The following DGKQ variants were observed in gnomAD, a reference collection of about 807,000 sequenced individuals.
DGKQ encodes the protein diacylglycerol kinase theta.
Under a neutral mutation model 104.2 loss-of-function variants are expected in DGKQ, and 97 were observed. The ratio of observed to expected loss-of-function variants is 0.93; its 90% confidence interval spans 0.79 to 1.10. The LOEUF is 1.10. DGKQ is among the 50% of genes least tolerant of loss of function. DGKQ has a pLI of 0.00. For missense variants in DGKQ, 1,465 were observed against 1,352.1 expected, an observed-to-expected ratio of 1.08 and a Z score of -1.31; for synonymous variants, 736 against 595.2, an observed-to-expected ratio of 1.24 and a Z score of -3.44.
In DGKQ at chr4:960,710, C is replaced by T. The variant is rs771918682; in HGVS notation, c.2739G>A (p.Leu913=). 1 of 1,612,176 alleles carries T rather than the reference C, an allele frequency of 6.2e-7. No homozygotes were observed. Among genetic ancestry groups the T allele is most frequent in the South Asian group, 1.1e-5 (1 of 91,078 alleles). The change falls in exon 23 of 23, where the codon CTG becomes CTA. Residue 913 remains leucine (L), a synonymous_variant. Transcript: ENST00000273814. ...ISAAGPKVHM[L]RKAKQKPRRA... is the part of the protein sequence containing the mutation. ...TCCTCGGCTTCTGCTTGGCCTTCCT[C>T]AGCATGTGCACCTGTCCCAGGGCAG...
intron 2 of DGKQ, among the ~76,000 whole-genome samples, chr4:970,680 C>G (rs1712857853): frequency 1.3e-5 from 2 of 152,076 alleles, no homozygotes; most frequent in Non-Finnish European, 2.9e-5. Context: ...CCTCACGCTG[C>G]ATGTCACAGC....
rs1324941342 is a variant in DGKQ at position 968,915 on chromosome 4, T to G, written c.352-5A>C. On this transcript the variant is annotated splice_region_variant and splice_polypyrimidine_tract_variant and intron_variant, in intron 2 of 22. Coordinates refer to ENST00000273814, the MANE Select transcript of DGKQ (RefSeq NM_001347.4). ...GAAGCAGTGGGCTACAGGAACCTGG[T>G]GGGGCAGCCTCACCTCAGCACCCTT... 2 of 1,577,690 alleles carry G rather than the reference T, an allele frequency of 1.3e-6. No individual in the cohort carries two copies. Among genetic ancestry groups the G allele is most frequent in the Admixed American group, 3.5e-5 (2 of 56,990 alleles).
intron 5 of DGKQ, 28 bp from the exon 6 acceptor site, chr4:968,055 G>A (rs769099730): frequency 2.1e-6 from 3 of 1,410,320 alleles, no homozygotes; most frequent in South Asian, 1.5e-5. Flanking sequence ...TGAGCTGGGG[G>A]GTTGGAGCCA....
chr4:972,666 T>C (rs899321081), intron 1 of DGKQ, among the ~76,000 whole-genome samples: 1 of 146,004 alleles, frequency 6.8e-6, no homozygotes, highest in Non-Finnish European at 1.5e-5. Context: ...GCCCGCCTGC[T>C]TGCCGCGGGG....
In DGKQ at chr4:966,008, G is replaced by A; in HGVS notation, c.1499C>T (p.Ser500Phe). 3.1e-6 allele frequency: 5 copies of A among 1,605,692 alleles called. No individual in the cohort carries two copies. Among genetic ancestry groups the A allele is most frequent in the Non-Finnish European group, 4.2e-6 (5 of 1,177,028 alleles). The change falls in exon 13 of 23, where the codon TCC (serine) becomes TTC (phenylalanine). Residue 500 changes from serine to phenylalanine, a missense_variant. By Grantham distance (155) the Ser-to-Phe change is radical (BLOSUM62 -2). Coordinates refer to ENST00000273814, the MANE Select transcript of DGKQ (RefSeq NM_001347.4). ...AESRDVAPHVSLFVGGLPPGL... is the reference protein window; with the variant it reads ...AESRDVAPHVFLFVGGLPPGL... Reference sequence around the variant, plus strand: ...GGGAGGCAGGCCGCCAACAAACAGGGAGACGTGCGGGGCTACATCCCTGCT... The same window carrying A: ...GGGAGGCAGGCCGCCAACAAACAGGAAGACGTGCGGGGCTACATCCCTGCT...
At chr4:973,103 AC>A (rs1190800222) in intron 1 of DGKQ, 108 bp downstream of exon 1, 8 of 1,304,618 alleles carry the variant, frequency 6.1e-6, no homozygotes, top group Non-Finnish European at 5.9e-6. Context: ...CAGGGCTGGG[AC>A]CCCGCCCTCC....
chr4:965,570 GAC>G, intron 13 of DGKQ, 41 bp from the exon 14 acceptor site: 1 of 1,605,644 alleles, frequency 6.2e-7, no homozygotes, highest in Non-Finnish European at 8.5e-7. Flanking sequence ...GGAGGCGAAG[GAC>G]ACACAGCACT....
Position 962,623 on chromosome 4 carries a change from A to G in DGKQ, c.2036-10T>C, listed in dbSNP as rs745467529. The G allele has an allele frequency of 8.7e-6, 14 of 1,605,504 alleles. No homozygotes were observed. Among genetic ancestry groups the G allele is most frequent in the Non-Finnish European group, 1.1e-5 (13 of 1,179,000 alleles). ...CGACCAAGGTCATTCCCTGGGACAC[A>G]AGCAGACACAGAGCATCTGTCCACA... On this transcript the variant is annotated splice_polypyrimidine_tract_variant and intron_variant, in intron 17 of 22. Transcript: ENST00000273814.
chr4:961,519 C>G lies in DGKQ; in HGVS notation c.2522G>C (p.Arg841Pro). 1.2e-6 allele frequency: 2 copies of G among 1,609,236 alleles called. No individual in the cohort carries two copies. The highest frequency in any genetic ancestry group is 1.7e-6 in the Non-Finnish European group (2 of 1,178,686). Reference protein sequence around the residue: ...SDSDTRFEKPRMDDGLLEVVG... With the variant: ...SDSDTRFEKPPMDDGLLEVVG... ...AACCTCCAGCAGCCCGTCGTCCATGCGTGGCTTCTCAAACCTGGTGTCGCT... is the reference window on the plus strand; with the variant it reads ...AACCTCCAGCAGCCCGTCGTCCATGGGTGGCTTCTCAAACCTGGTGTCGCT... Residue 841 changes from arginine to proline, a missense_variant, in exon 21 of 23, where the codon CGC (arginine) becomes CCC (proline). Transcript: ENST00000273814.
In DGKQ at chr4:971,049, T is replaced by C; in HGVS notation, c.295A>G (p.Lys99Glu). 1 of 1,558,030 alleles carries C rather than the reference T, an allele frequency of 6.4e-7. No homozygotes were observed. Among genetic ancestry groups the C allele is most frequent in the African/African-American group, 1.4e-5 (1 of 73,898 alleles). The change falls in exon 2 of 23, where the codon AAG becomes GAG. Residue 99 changes from lysine (K) to glutamate (E), a missense_variant. Lys to Glu is a moderately conservative substitution (Grantham distance 56). Coordinates refer to ENST00000273814, the MANE Select transcript of DGKQ (RefSeq NM_001347.4). The surrounding 1 kb of genome is among the most constrained non-coding windows in gnomAD (Gnocchi z 4.0). Reference protein sequence around the residue: ...CDVCNFMSHEKCLKHVRIPCT... With the variant: ...CDVCNFMSHEECLKHVRIPCT... The stretch of plus-strand genomic sequence containing the variant: ...GGGATCCTCACGTGCTTCAGGCACT[T>C]CTCATGAGACATGAAATTGCAGACT...
chr4:961,419 C>G, intron 21 of DGKQ, 48 bp downstream of exon 21: 2 of 1,536,194 alleles, frequency 1.3e-6, no homozygotes, highest in Non-Finnish European at 1.8e-6. Flanking sequence ...CAGCGGGGAC[C>G]GGGGACGCCC....
In DGKQ at chr4:965,249, C is replaced by T. The variant is rs768072911; in HGVS notation, c.1661G>A (p.Arg554Gln). 13 of 1,612,662 alleles carry T rather than the reference C, an allele frequency of 8.1e-6. No homozygotes were observed. The highest frequency in any genetic ancestry group is 4.5e-5 in the East Asian group (2 of 44,856). ...LDVACFAEAERLYMLLKDMAV... is the reference protein window; with the variant it reads ...LDVACFAEAEQLYMLLKDMAV... ...CATGTCCTTCAGCAGCATGTACAGCCGCTCGGCCTCCGCAAAGCAGGCAAC... is the reference window on the plus strand; with the variant it reads ...CATGTCCTTCAGCAGCATGTACAGCTGCTCGGCCTCCGCAAAGCAGGCAAC... The change falls in exon 15 of 23, where the codon CGG (arginine) becomes CAG (glutamine). Residue 554 changes from arginine (R) to glutamine (Q), a missense_variant. Transcript: ENST00000273814.
At chr4:961,330 G>A in intron 21 of DGKQ, 129 bp from the exon 22 acceptor site, 3 of 1,262,198 alleles carry the variant, frequency 2.4e-6, no homozygotes, top group Non-Finnish European at 3.2e-6. Flanking sequence ...CCTGGGGCGG[G>A]AGAGGCCAGC....
Position 971,723 on chromosome 4 carries a change from G to A in DGKQ, c.272-651C>T, listed in dbSNP as rs1417344013. On this transcript the variant is annotated intron_variant, in intron 1 of 22. Transcript: ENST00000273814. The surrounding 1 kb of genome is among the most constrained non-coding windows in gnomAD (Gnocchi z 4.0). ...CAGCAGTAAAACAGACAGGAGGGTG[G>A]GGCCGGGGCAGAAGGGAGGGCAGGA... 6.6e-6 allele frequency among the ~76,000 whole-genome samples: 1 copy of A among 152,138 alleles called. No homozygotes were observed. The highest frequency in any genetic ancestry group is 1.5e-5 in the Non-Finnish European group (1 of 68,016).
chr4:961,456 C>G lies in DGKQ; in HGVS notation c.2574+11G>C. ...CCCTGGGCTCGCCCGCCCACTCGGC[C>G]GGCGGCTCACCATGTGCACGACGCC... is the stretch of plus-strand genomic sequence containing the variant. On this transcript the variant is annotated intron_variant, in intron 21 of 22. Transcript: ENST00000273814. 10 of 1,581,048 alleles carry G rather than the reference C, an allele frequency of 6.3e-6. No individual in the cohort carries two copies. The highest frequency in any genetic ancestry group is 8.6e-6 in the Non-Finnish European group (10 of 1,166,934).
At chr4:966,591 C>A in intron 11 of DGKQ, 64 bp from the exon 12 acceptor site, 1 of 1,564,398 alleles carries the variant, frequency 6.4e-7, no homozygotes, top group Non-Finnish European at 8.7e-7. Context: ...AGCAGCTGCC[C>A]GGAGCCCCCA....
intron 10 of DGKQ, 60 bp downstream of exon 10, chr4:966,904 T>C: frequency 1.3e-6 from 2 of 1,550,258 alleles, no homozygotes; most frequent in Non-Finnish European, 8.7e-7. Flanking sequence ...CCTGGCCTCC[T>C]GGGGACAGCG....
chr4:973,475 G>A lies in DGKQ; in HGVS notation c.8C>T (p.Ala3Val). The A allele has an allele frequency of 1.0e-6, 1 of 984,974 alleles. No individual in the cohort carries two copies. The highest frequency in any genetic ancestry group is 1.2e-6 in the Non-Finnish European group (1 of 830,972). The allele number at this position is 984,974 out of a possible 1,614,324, so 61.0% of individuals were successfully genotyped here. A position where few individuals can be genotyped will look rare whatever the true frequency, so the allele number is the denominator to read the frequency against. The change falls in exon 1 of 23, where the codon GCG becomes GTG. Residue 3 changes from alanine (A) to valine (V), a missense_variant. Physicochemically the swap from Ala to Val is moderately conservative, Grantham distance 64. Coordinates refer to ENST00000273814, the MANE Select transcript of DGKQ (RefSeq NM_001347.4). Reference sequence around the variant, plus strand: ...GGCGCGGGCCCCGGGCTCGGCCGCCGCCGCCATTCCCGGCCCGAGCGGCCC... The same window carrying A: ...GGCGCGGGCCCCGGGCTCGGCCGCCACCGCCATTCCCGGCCCGAGCGGCCC... MA[A>V]AAEPGARAWL...
intron 14 of DGKQ, 96 bp from the exon 15 acceptor site, chr4:965,387 T>G: frequency 6.5e-7 from 1 of 1,548,514 alleles, no homozygotes; most frequent in Non-Finnish European, 8.8e-7. Flanking sequence ...AGCCCAGGGC[T>G]GCCCAAGGGA....
Sources: allele counts gnomAD v4.1 joint callset (sites outside exome capture counted in the v4.1 genomes callset), GRCh38; gene constraint gnomAD v4.1.1; non-coding constraint Gnocchi (gnomAD v3.1); transcripts MANE v1.5; gene names NCBI Gene and HGNC (gene_info 2026-07-23, HGNC 2026-07-21).